The following UBE4A variants were observed in gnomAD, a reference collection of about 807,000 sequenced individuals.
UBE4A encodes ubiquitin conjugation factor E4 A.
UBE4A carries 48 observed loss-of-function variants against 117.9 expected under a neutral mutation model. The ratio of observed to expected loss-of-function variants is 0.41; its 90% CI spans 0.32 to 0.52. The LOEUF is 0.52. Among genes scored for constraint, UBE4A ranks in the 20% least tolerant of loss-of-function variants. The pLI, the probability that UBE4A is intolerant of heterozygous loss-of-function variation, is 0.33. For missense variants in UBE4A, 1,067 were observed against 1,296.3 expected (o/e 0.82, Z 2.72); for synonymous variants, 407 against 450.0 (o/e 0.90, Z 1.21).
chr11:118,372,965 A>G (rs1168385912), intron 6 of UBE4A, 121 bp from the exon 7 acceptor site: 17 of 1,028,340 alleles, frequency 1.7e-5, no homozygotes, highest in Middle Eastern at 6.4e-4. Context: ...GGCTGAGCAA[A>G]AAAACAAGAC....
intron 4 of UBE4A, 122 bp from the exon 5 acceptor site, chr11:118,371,392 T>G (rs1019090452): frequency 7.9e-7 from 1 of 1,260,170 alleles, no homozygotes; most frequent in Admixed American, 2.6e-5. Flanking sequence ...TTTTTTCTCC[T>G]TCACTCTACA....
At chr11:118,384,788 T>TA (rs1948739789) in intron 14 of UBE4A, 44 bp from the exon 15 acceptor site, 1 of 1,611,300 alleles carries the variant, frequency 6.2e-7, no homozygotes, top group Non-Finnish European at 8.5e-7. Context: ...TAATGAGTTG[T>TA]AATTCAGTAC....
At chr11:118,370,229 A>G (rs1948598354) in intron 4 of UBE4A, among the ~76,000 whole-genome samples, 1 of 152,162 alleles carries the variant, frequency 6.6e-6, no homozygotes, top group Admixed American at 6.5e-5. Context: ...TTTCTTATGT[A>G]CCTGTCTTAT....
In UBE4A at chr11:118,365,110, C is replaced by G; in HGVS notation, c.30C>G (p.Ile10Met). The G allele has an allele frequency of 6.2e-7, 1 of 1,614,012 alleles. No individual in the cohort carries two copies. The highest frequency in any genetic ancestry group is 8.5e-7 in the Non-Finnish European group (1 of 1,179,964). ...CAGACCAGGAGAATAACAACAACAT[C>G]TCAAGTAACCCCTTTGCTGCTCTTT... MTDQENNNN[I>M]SSNPFAALFG... is the part of the protein sequence containing the mutation. The change falls in exon 2 of 20, where the codon ATC becomes ATG. Residue 10 changes from isoleucine (I) to methionine (M), a missense_variant. Physicochemically the swap from Ile to Met is conservative, Grantham distance 10. This residue lies in a region of UBE4A where 1,001 missense variants were observed against 1,184.0 expected (regional missense o/e 0.85). Transcript: ENST00000252108.
intron 10 of UBE4A, among the ~76,000 whole-genome samples, chr11:118,378,145 G>A (rs1948670056): frequency 6.6e-6 from 1 of 151,916 alleles, no homozygotes; most frequent in Admixed American, 6.6e-5. Context: ...TACTCGGGAG[G>A]TTGAAGAAGG....
chr11:118,396,062 A>ACC (rs1425325105), intron 19 of UBE4A, among the ~76,000 whole-genome samples: 2 of 151,134 alleles, frequency 1.3e-5, no homozygotes, highest in Admixed American at 1.3e-4. Context: ...GTGCCACTGC[A>ACC]CCAGCCTGGG....
chr11:118,386,400 C>A (rs1341402954), intron 15 of UBE4A, 38 bp from the exon 16 acceptor site: 2 of 1,565,864 alleles, frequency 1.3e-6, no homozygotes, highest in South Asian at 1.2e-5. Flanking sequence ...TCAACTGCAC[C>A]TTTCTTCTCT....
At chr11:118,361,582 A>G (rs992127558) in intron 1 of UBE4A, among the ~76,000 whole-genome samples, 5 of 152,236 alleles carry the variant, frequency 3.3e-5, no homozygotes, top group East Asian at 1.9e-4. Context: ...CAGATTTGAC[A>G]TACGTGTGAA....
intron 19 of UBE4A, 147 bp from the exon 20 acceptor site, chr11:118,396,167 C>G: frequency 6.5e-6 from 6 of 918,426 alleles, no homozygotes; most frequent in Admixed American, 3.5e-5. Context: ...TGTTCTCACT[C>G]TTTCTAACCC....
At chr11:118,391,995 A>G (rs1233046993) in intron 18 of UBE4A, among the ~76,000 whole-genome samples, 2 of 152,062 alleles carry the variant, frequency 1.3e-5, no homozygotes, top group Middle Eastern at 3.4e-3. Context: ...GATTGTCTCT[A>G]TGTTTGTAGT....
intron 4 of UBE4A, 120 bp from the exon 5 acceptor site, chr11:118,371,394 C>T: frequency 7.9e-7 from 1 of 1,257,946 alleles, no homozygotes; most frequent in Non-Finnish European, 1.1e-6. Context: ...TTTTCTCCTT[C>T]ACTCTACATT....
chr11:118,381,258 C>T (rs974150131), intron 11 of UBE4A, 133 bp from the exon 12 acceptor site: 4 of 1,055,512 alleles, frequency 3.8e-6, no homozygotes, highest in South Asian at 1.8e-5. Context: ...ACTTAACGAC[C>T]ATCTCTAGTA....
chr11:118,366,061 TAAA>T (rs5795123), intron 2 of UBE4A, among the ~76,000 whole-genome samples: 1 of 143,386 alleles, frequency 7.0e-6, no homozygotes, highest in African/African-American at 2.6e-5. Flanking sequence ...TTTGTTTATT[TAAA>T]AAAAAAAAAA....
At chr11:118,385,081 G>T (rs995843171) in intron 15 of UBE4A, 136 bp downstream of exon 15, 4 of 700,166 alleles carry the variant, frequency 5.7e-6, no homozygotes, top group Non-Finnish European at 9.4e-6. Context: ...AAAAATTTGT[G>T]ATTAGTAGTG....
chr11:118,385,895 A>G (rs1948752712), intron 15 of UBE4A, among the ~76,000 whole-genome samples: 1 of 152,248 alleles, frequency 6.6e-6, no homozygotes, highest in African/African-American at 2.4e-5. Context: ...TGTGACACAA[A>G]GCATGAAGCA....
In UBE4A at chr11:118,376,891, C is replaced by CA. The variant is rs879969266; in HGVS notation, c.1571+209dup. Among the ~76,000 whole-genome samples the CA allele has an allele frequency of 4.2e-3, 593 of 142,714 alleles. 3 individuals are homozygous for CA. The highest frequency in any genetic ancestry group is 0.015 in the South Asian group (68 of 4,480). The allele number at this position is 142,714 out of a possible 152,430, so 93.6% of individuals were successfully genotyped here. ...AAGAAAGTGAGACCCCCATCTCTAC[C>CA]AAAAAAAAAAAATTAGCCAGGCATG... On this transcript the variant is annotated intron_variant, in intron 10 of 19. Transcript: ENST00000252108.
intron 16 of UBE4A, among the ~76,000 whole-genome samples, chr11:118,387,090 C>T (rs1948766467): frequency 6.6e-6 from 1 of 152,134 alleles, no homozygotes; most frequent in African/African-American, 2.4e-5. Context: ...AAGTACAAGA[C>T]TTAGTGTTAA....
At chr11:118,382,166 A>G (rs45511593) in intron 12 of UBE4A, among the ~76,000 whole-genome samples, 98 of 152,348 alleles carry the variant, frequency 6.4e-4, no homozygotes, top group Middle Eastern at 6.8e-3. Context: ...TCATAAGTCA[A>G]CAAGTATTAT....
At chr11:118,381,662 A>G in intron 12 of UBE4A, 139 bp downstream of exon 12, 2 of 1,154,758 alleles carry the variant, frequency 1.7e-6, no homozygotes, top group Non-Finnish European at 2.4e-6. Context: ...TCACCTGACC[A>G]TCCATATGGG....
Sources: gnomAD v4.1 joint callset for allele counts (sites outside exome capture counted in the v4.1 genomes callset) on GRCh38, gnomAD v4.1.1 for gene constraint, gnomAD v4.1.1 regional missense constraint, MANE v1.5 for transcripts, NCBI Gene and HGNC (gene_info 2026-07-23, HGNC 2026-07-21) for gene names.